DLEU7: variants seen among roughly 807,000 people sequenced by gnomAD.
DLEU7 encodes deleted in lymphocytic leukemia 7.
DLEU7 carries 17 observed loss-of-function variants against 16.0 expected under a neutral mutation model. That is an observed-to-expected ratio of 1.06 (90% confidence interval 0.73 to 1.59). The LOEUF is 1.59. Among genes scored for constraint, DLEU7 ranks in the 40% most tolerant of loss-of-function variants. The pLI, the probability that DLEU7 is intolerant of heterozygous loss-of-function variation, is 0.00. For missense variants in DLEU7, 308 were observed against 314.9 expected, an observed-to-expected ratio of 0.98 and a Z score of 0.17; for synonymous variants, 113 against 139.8, an observed-to-expected ratio of 0.81 and a Z score of 1.35.
chr13:50,732,628 CT>C (rs1873946113), intron 1 of DLEU7, among the ~76,000 whole-genome samples: 1 of 95,078 alleles, frequency 1.1e-5, no homozygotes, highest in Admixed American at 9.5e-5. Flanking sequence ...AAAAAAAAAG[CT>C]TATGTGCTTA....
intron 1 of DLEU7, among the ~76,000 whole-genome samples, chr13:50,800,205 G>C (rs557218881): frequency 1.3e-5 from 2 of 152,288 alleles, no homozygotes; most frequent in East Asian, 3.9e-4. Flanking sequence ...AAAGCTCATG[G>C]TATGAAAAGG....
At chr13:50,751,763 G>C (rs1011186309) in intron 1 of DLEU7, among the ~76,000 whole-genome samples, 2 of 152,128 alleles carry the variant, frequency 1.3e-5, no homozygotes, top group African/African-American at 4.8e-5. Flanking sequence ...GTATTTCAGC[G>C]ATGTCAGTTA....
intron 1 of DLEU7, among the ~76,000 whole-genome samples, chr13:50,831,842 A>T (rs533853664): frequency 1.3e-5 from 2 of 152,316 alleles, no homozygotes; most frequent in South Asian, 2.1e-4. Flanking sequence ...AGCAGAATTG[A>T]TCGTGGTGGG....
chr13:50,798,792 C>T (rs9535481), intron 1 of DLEU7, among the ~76,000 whole-genome samples: 1 of 152,162 alleles, frequency 6.6e-6, no homozygotes, highest in African/African-American at 2.4e-5. Context: ...ACTGTCAAAG[C>T]ACTAGTGCAC....
chr13:50,791,498 C>T (rs1221356230), intron 1 of DLEU7, among the ~76,000 whole-genome samples: 1 of 152,158 alleles, frequency 6.6e-6, no homozygotes, highest in East Asian at 1.9e-4. Context: ...GTGTTGGTGA[C>T]AGTGTGTACG....
chr13:50,833,042 A>G (rs563282340), intron 1 of DLEU7, among the ~76,000 whole-genome samples: 1 of 152,202 alleles, frequency 6.6e-6, no homozygotes, highest in African/African-American at 2.4e-5. Flanking sequence ...TTGATAAAAC[A>G]TATCTCAAAA....
At chr13:50,821,984 T>C (rs561632394), downstream of DLEU7, among the ~76,000 whole-genome samples, 1 of 152,138 alleles carries the variant, frequency 6.6e-6, no homozygotes, top group African/African-American at 2.4e-5. Flanking sequence ...TAAGATCAAG[T>C]GAAGAAATAA....
At chr13:50,754,867 C>T (rs1874705173) in intron 1 of DLEU7, among the ~76,000 whole-genome samples, 1 of 152,094 alleles carries the variant, frequency 6.6e-6, no homozygotes, top group South Asian at 2.1e-4. Context: ...TTTAGCAGTT[C>T]TTGTTGTAGT....
intron 1 of DLEU7, among the ~76,000 whole-genome samples, chr13:50,765,608 A>C (rs1474957742): frequency 6.6e-6 from 1 of 152,228 alleles, no homozygotes; most frequent in Admixed American, 6.5e-5. Flanking sequence ...TAAAATAAAC[A>C]GATAGAAAGG....
intron 1 of DLEU7, among the ~76,000 whole-genome samples, chr13:50,735,110 T>C (rs1046694020): frequency 6.6e-6 from 1 of 152,184 alleles, no homozygotes; most frequent in African/African-American, 2.4e-5. Context: ...TTTTTAGTTA[T>C]AAATGTGTAT....
At chr13:50,748,033 A>G (rs1326986526) in intron 1 of DLEU7, among the ~76,000 whole-genome samples, 2 of 152,206 alleles carry the variant, frequency 1.3e-5, no homozygotes, top group African/African-American at 2.4e-5. Context: ...CAACTAGACC[A>G]TGCTCCTCAA....
intron 1 of DLEU7, among the ~76,000 whole-genome samples, chr13:50,775,704 TAA>T (rs1396687913): frequency 6.6e-6 from 1 of 152,248 alleles, no homozygotes; most frequent in African/African-American, 2.4e-5. Context: ...AAAAAACATA[TAA>T]ATGTGAATTT....
intron 1 of DLEU7, among the ~76,000 whole-genome samples, chr13:50,766,870 G>A (rs1415859318): frequency 6.7e-6 from 1 of 149,916 alleles, no homozygotes; most frequent in Non-Finnish European, 1.5e-5. Flanking sequence ...GGGAAATGCT[G>A]GCCAAACACA....
intron 1 of DLEU7, among the ~76,000 whole-genome samples, chr13:50,800,922 G>A (rs1876229258): frequency 6.6e-6 from 1 of 152,078 alleles, no homozygotes; most frequent in Non-Finnish European, 1.5e-5. Flanking sequence ...CACACTTTAT[G>A]TTTCCCCATG....
At chr13:50,734,986 A>G (rs1874022979) in intron 1 of DLEU7, among the ~76,000 whole-genome samples, 1 of 152,184 alleles carries the variant, frequency 6.6e-6, no homozygotes, top group African/African-American at 2.4e-5. Flanking sequence ...GTAAATCTTA[A>G]GAGAGCTGTC....
At chr13:50,792,989 T>C (rs6561591) in intron 1 of DLEU7, among the ~76,000 whole-genome samples, 79,724 of 151,726 alleles carry the variant, frequency 0.53, 21,266 homozygotes, top group Middle Eastern at 0.61. Context: ...CTGAATATAA[T>C]ACCCCACAGG....
At chr13:50,814,785 T>TGTGTGTGTGC (rs1876679146) in intron 1 of DLEU7, among the ~76,000 whole-genome samples, 1 of 149,948 alleles carries the variant, frequency 6.7e-6, no homozygotes, top group African/African-American at 2.4e-5. Context: ...TGTGTGTGTG[T>TGTGTGTGTGC]GTAGTTCTAT....
chr13:50,814,352 C>G (rs1051383901), intron 1 of DLEU7, among the ~76,000 whole-genome samples: 7 of 151,912 alleles, frequency 4.6e-5, no homozygotes, highest in African/African-American at 1.7e-4. Context: ...ACCCAGGCAG[C>G]CAGCCAGCCA....
At chr13:50,841,444 T>C in intron 1 of DLEU7, among the ~76,000 whole-genome samples, 1 of 152,210 alleles carries the variant, frequency 6.6e-6, no homozygotes, top group East Asian at 1.9e-4. Context: ...AGGGTCACCT[T>C]AGGTAAAACT....
Sources: allele counts gnomAD v4.1 joint callset (sites outside exome capture counted in the v4.1 genomes callset), GRCh38; gene constraint gnomAD v4.1.1; transcripts MANE v1.5; gene names NCBI Gene and HGNC (gene_info 2026-07-23, HGNC 2026-07-21).